Variants in SLC38A10 observed in about 807,000 individuals in gnomAD.
SLC38A10 encodes Sodium-coupled neutral amino acid transporter 10.
Under a neutral mutation model 81.0 loss-of-function variants are expected in SLC38A10, and 53 were observed. That is an observed-to-expected ratio of 0.65 (90% CI 0.53 to 0.82). The LOEUF (loss-of-function observed/expected upper bound fraction) is 0.82. Among genes scored for constraint, SLC38A10 ranks in the 40% least tolerant of loss-of-function variants. The probability of loss-of-function intolerance (pLI) is 0.00; values close to 1 mark genes in which losing one functional copy is unlikely to be tolerated. For missense variants in SLC38A10, 1,471 were observed against 1,545.0 expected (o/e 0.95, Z 0.80); for synonymous variants, 665 against 655.3 (o/e 1.01, Z -0.23).
At chr17:81,254,402 A>G (rs1319334699) in intron 11 of SLC38A10, among the ~76,000 whole-genome samples, 1 of 152,244 alleles carries the variant, frequency 6.6e-6, no homozygotes, top group Non-Finnish European at 1.5e-5. Flanking sequence ...GTAATAAACT[A>G]GTTAACAGAA....
Position 81,252,405 on chromosome 17 carries a change from T to C in SLC38A10, c.1735A>G (p.Lys579Glu), listed in dbSNP as rs909477645. 1.2e-6 allele frequency: 2 copies of C among 1,613,212 alleles called. No individual in the cohort carries two copies. The highest frequency in any genetic ancestry group is 1.1e-5 in the South Asian group (1 of 91,086). Residue 579 changes from lysine to glutamate, a missense_variant, in exon 13 of 16, where the codon AAA becomes GAA. Physicochemically the swap from Lys to Glu is moderately conservative, Grantham distance 56. Around this residue, in one of 2 missense-constraint regions of SLC38A10, gnomAD observed 720 missense variants for 827.7 expected, o/e 0.87. Coordinates refer to ENST00000374759, the MANE Select transcript of SLC38A10 (RefSeq NM_001037984.3). The part of the protein sequence containing the change: ...EAGDLPEDPQ[K>E]VPEADGQPAV... Reference sequence around the variant, plus strand: ...GGCTGACCATCTGCTTCTGGAACTTTCTGGGGATCTTCAGGAAGATCACCC... The same window carrying C: ...GGCTGACCATCTGCTTCTGGAACTTCCTGGGGATCTTCAGGAAGATCACCC...
rs545605594 is a variant in SLC38A10 at position 81,251,819 on chromosome 17, G to A, written c.1946-207C>T. Reference sequence around the variant, plus strand: ...AACAACCTCATAGGCTTGTGGCAATGAGCCAATGGTAACTGCCTTCGCAAT... The same window carrying A: ...AACAACCTCATAGGCTTGTGGCAATAAGCCAATGGTAACTGCCTTCGCAAT... On this transcript the variant is annotated intron_variant, in intron 13 of 15. Transcript: ENST00000374759. The A allele has an allele frequency of 1.2e-5, 7 of 566,220 alleles. No individual in the cohort carries two copies. The African/African-American group carries it at 1.4e-4, about 11-fold the overall frequency. 35.1% of individuals were successfully genotyped at this position (566,220 alleles called of 1,614,324 possible).
At chr17:81,273,531 T>C (rs2063135455) in intron 8 of SLC38A10, among the ~76,000 whole-genome samples, 1 of 152,212 alleles carries the variant, frequency 6.6e-6, no homozygotes. Context: ...AGGAAACAAC[T>C]GCAGAACTTT....
chr17:81,283,528 A>C lies in SLC38A10; in HGVS notation c.264-26T>G. On this transcript the variant is annotated intron_variant, in intron 3 of 15. Coordinates refer to ENST00000374759, the MANE Select transcript of SLC38A10 (RefSeq NM_001037984.3). The surrounding 1 kb of genome is among the most constrained non-coding windows in gnomAD (Gnocchi z 4.7). ...CTGCACAGGGACGGGGGGTACGGGA[A>C]ATGCCATCAGGGCAAGCTGGCACAC... The C allele has an allele frequency of 1.3e-6, 2 of 1,589,566 alleles. No homozygotes were observed. The highest frequency in any genetic ancestry group is 1.7e-6 in the Non-Finnish European group (2 of 1,166,046).
intron 10 of SLC38A10, among the ~76,000 whole-genome samples, chr17:81,261,525 G>C (rs1329425573): frequency 1.3e-5 from 2 of 152,376 alleles, no homozygotes; most frequent in East Asian, 3.9e-4. Flanking sequence ...CAGTTCAGAA[G>C]AACTGGTGAG....
At chr17:81,291,424 T>C (rs561453151) in intron 1 of SLC38A10, among the ~76,000 whole-genome samples, 2 of 150,034 alleles carry the variant, frequency 1.3e-5, no homozygotes, top group South Asian at 2.1e-4. Context: ...GAGGTGGAGG[T>C]TGCAGTGAGC....
intron 10 of SLC38A10, among the ~76,000 whole-genome samples, chr17:81,267,358 TTA>T (rs1166261492): frequency 1.3e-5 from 2 of 151,874 alleles, no homozygotes; most frequent in Non-Finnish European, 2.9e-5. Flanking sequence ...GAGGGAGGAA[TTA>T]TTTTAAAATA....
intron 3 of SLC38A10, among the ~76,000 whole-genome samples, 179 bp downstream of exon 3, chr17:81,284,671 C>A (rs1282641912): frequency 6.6e-6 from 1 of 152,128 alleles, no homozygotes; most frequent in East Asian, 1.9e-4. Context: ...GTTTTCCATA[C>A]ATAAATTTTT....
At position 81,270,963 on chromosome 17, in the gene SLC38A10, C is replaced by T. The variant is rs540178428; in HGVS notation, c.1086G>A (p.Pro362=). The part of the protein sequence containing the change: ...TMGSLICFIC[P]ALIYKKIHKN... Reference sequence around the variant, plus strand: ...TGTGGATTTTCTTGTAGATCAGCGCCGGGCAGATGAAGCAGATGAGGCTTC... The same window carrying T: ...TGTGGATTTTCTTGTAGATCAGCGCTGGGCAGATGAAGCAGATGAGGCTTC... The change falls in exon 10 of 16, where the codon CCG becomes CCA. Residue 362 remains proline (P), a synonymous_variant. Coordinates refer to ENST00000374759, the MANE Select transcript of SLC38A10 (RefSeq NM_001037984.3). This position sits in a 1 kb window ranked among gnomAD's most constrained non-coding sequence, Gnocchi z 4.0. 26 of 1,613,728 alleles carry T rather than the reference C, an allele frequency of 1.6e-5. No homozygotes were observed. The highest frequency in any genetic ancestry group is 1.5e-4 in the African/African-American group (11 of 74,914).
At chr17:81,266,028 A>G (rs2063067389) in intron 10 of SLC38A10, among the ~76,000 whole-genome samples, 1 of 152,172 alleles carries the variant, frequency 6.6e-6, no homozygotes, top group Non-Finnish European at 1.5e-5. Flanking sequence ...GTGTGTCTAC[A>G]CATGTCTACA....
chr17:81,246,081 C>T lies in SLC38A10; in HGVS notation c.2835G>A (p.Ala945=), dbSNP rs374152048. The change falls in exon 16 of 16, where the codon GCG becomes GCA. Residue 945 remains alanine, a synonymous_variant. Transcript: ENST00000374759. The part of the protein sequence containing the change: ...LGLAADLPGG[A]EGAAAQPQAV... ...CCTGGGGCTGTGCAGCTGCTCCTTC[C>T]GCCCCACCGGGCAGGTCCGCTGCAA... The T allele has an allele frequency of 1.6e-5, 25 of 1,608,470 alleles. No homozygotes were observed. Among genetic ancestry groups the T allele is most frequent in the African/African-American group, 6.7e-5 (5 of 74,944 alleles).
chr17:81,252,662 T>C lies in SLC38A10; in HGVS notation c.1478A>G (p.Glu493Gly). The C allele has an allele frequency of 6.2e-7, 1 of 1,606,538 alleles. No homozygotes were observed. The change falls in exon 13 of 16, where the codon GAG (glutamate) becomes GGG (glycine). Residue 493 changes from glutamate (E) to glycine (G), a missense_variant. This residue lies in a region of SLC38A10 where 720 missense variants were observed against 827.7 expected (regional missense o/e 0.87). Transcript: ENST00000374759. ...PGQGIAVPVG[E>G]AHRHEPPVPH... ...AACAGGAGGCTCGTGGCGGTGGGCC[T>C]CGCCCACAGGCACAGCAATCCCTGC...
At chr17:81,261,571 C>A (rs2063023900) in intron 10 of SLC38A10, among the ~76,000 whole-genome samples, 1 of 152,252 alleles carries the variant, frequency 6.6e-6, no homozygotes, top group Non-Finnish European at 1.5e-5. Context: ...GAAGAGGTCT[C>A]CCCAGAGGGA....
At chr17:81,260,505 A>T (rs1191683328) in intron 10 of SLC38A10, 111 bp from the exon 11 acceptor site, 2 of 1,369,484 alleles carry the variant, frequency 1.5e-6, no homozygotes, top group African/African-American at 1.5e-5. Flanking sequence ...GCACGAGGAG[A>T]GTGGACATGA....
At position 81,245,719 on chromosome 17, in the gene SLC38A10, G is replaced by A. The variant is rs762626038; in HGVS notation, c.3197C>T (p.Pro1066Leu). The A allele has an allele frequency of 5.6e-6, 9 of 1,599,982 alleles. No homozygotes were observed. Among genetic ancestry groups the A allele is most frequent in the Non-Finnish European group, 7.7e-6 (9 of 1,170,232 alleles). The change falls in exon 16 of 16, where the codon CCG (proline) becomes CTG (leucine). Residue 1066 changes from proline (P) to leucine (L), a missense_variant. Physicochemically the swap from Pro to Leu is moderately conservative, Grantham distance 98. Coordinates refer to ENST00000374759, the MANE Select transcript of SLC38A10 (RefSeq NM_001037984.3). Reference sequence around the variant, plus strand: ...AAGGCCAATGATGACCCCATCCCTCGGGGCCAGCTGACCCTCTGCATGAGG... The same window carrying A: ...AAGGCCAATGATGACCCCATCCCTCAGGGCCAGCTGACCCTCTGCATGAGG... ...LGPHAEGQLA[P>L]RDGVIIGLNP... is the part of the protein sequence containing the mutation.
chr17:81,256,607 C>G (rs932016706), intron 11 of SLC38A10, among the ~76,000 whole-genome samples: 4 of 152,248 alleles, frequency 2.6e-5, no homozygotes, highest in African/African-American at 9.6e-5. Flanking sequence ...GCCCCAAGTT[C>G]AGGAGGAGGC....
At chr17:81,273,222 C>T (rs1252642974) in intron 8 of SLC38A10, among the ~76,000 whole-genome samples, 2 of 152,224 alleles carry the variant, frequency 1.3e-5, no homozygotes, top group Admixed American at 6.5e-5. Flanking sequence ...TGATCTGCAC[C>T]GGGATGCCAG....
intron 6 of SLC38A10, among the ~76,000 whole-genome samples, chr17:81,279,079 C>G (rs987894429): frequency 6.6e-6 from 1 of 152,220 alleles, no homozygotes; most frequent in African/African-American, 2.4e-5. Flanking sequence ...TGCAAGGCAG[C>G]CTCTGAGCCT....
Position 81,245,763 on chromosome 17 carries a change from C to T in SLC38A10, c.3153G>A (p.Arg1051=), listed in dbSNP as rs1274360541. Residue 1051 remains arginine, a synonymous_variant, in exon 16 of 16, where the codon AGG becomes AGA. Coordinates refer to ENST00000374759, the MANE Select transcript of SLC38A10 (RefSeq NM_001037984.3). The part of the protein sequence containing the change: ...LKLQAGSDLR[R]RRRDLGPHAE... ...CATGAGGGCCAAGGTCCCGCCGTCG[C>T]CTCCGGAGGTCGGAGCCAGCCTGCA... The T allele has an allele frequency of 1.9e-6, 3 of 1,596,478 alleles. No homozygotes were observed. The highest frequency in any genetic ancestry group is 2.6e-6 in the Non-Finnish European group (3 of 1,167,474).
Sources: gnomAD v4.1 joint callset for allele counts (sites outside exome capture counted in the v4.1 genomes callset) on GRCh38, gnomAD v4.1.1 for gene constraint, gnomAD v4.1.1 regional missense constraint, Gnocchi (gnomAD v3.1) non-coding constraint, MANE v1.5 for transcripts, NCBI Gene and HGNC (gene_info 2026-07-23, HGNC 2026-07-21) for gene names.